The following STXBP6 variants were observed in gnomAD, a reference collection of about 807,000 sequenced individuals.
STXBP6 encodes the protein syntaxin-binding protein 6.
STXBP6 carries 21 observed loss-of-function variants against 26.9 expected under a neutral mutation model. The observed-to-expected ratio is 0.78, with a 90% CI of 0.55 to 1.12. The LOEUF (loss-of-function observed/expected upper bound fraction) is 1.12. STXBP6 is among the 50% of genes most tolerant of loss of function. The probability of loss-of-function intolerance (pLI) is 0.00; values close to 1 mark genes in which losing one functional copy is unlikely to be tolerated. For missense variants in STXBP6, 232 were observed against 257.9 expected, an observed-to-expected ratio of 0.90 and a Z score of 0.69; for synonymous variants, 97 against 92.6, an observed-to-expected ratio of 1.05 and a Z score of -0.27.
At chr14:24,839,267 G>T (rs2068717222) in intron 4 of STXBP6, among the ~76,000 whole-genome samples, 1 of 152,118 alleles carries the variant, frequency 6.6e-6, no homozygotes, top group Non-Finnish European at 1.5e-5. Context: ...CGGAGAGAAA[G>T]GAATGGAATT....
intron 4 of STXBP6, among the ~76,000 whole-genome samples, chr14:24,848,490 A>G (rs776887838): frequency 6.6e-6 from 1 of 152,160 alleles, no homozygotes; most frequent in Non-Finnish European, 1.5e-5. Context: ...AAACATGTTT[A>G]CAATCCTTGT....
At chr14:24,939,574 C>T (rs2072729150) in intron 2 of STXBP6, among the ~76,000 whole-genome samples, 1 of 151,720 alleles carries the variant, frequency 6.6e-6, no homozygotes. Context: ...TGAAAGCTAT[C>T]AAGATATGTT....
chr14:24,902,905 A>G (rs572675509), intron 2 of STXBP6, among the ~76,000 whole-genome samples: 17 of 152,268 alleles, frequency 1.1e-4, no homozygotes, highest in East Asian at 5.8e-4. Context: ...TTAAATCTCT[A>G]TATACAACAG....
rs564216316 is a variant in STXBP6 at position 25,000,163 on chromosome 14, C to T, written c.-32-25313G>A. On this transcript the variant is annotated intron_variant, in intron 1 of 5. Coordinates refer to ENST00000323944, the MANE Select transcript of STXBP6 (RefSeq NM_001394410.1). ...CTGCAAGCTCCACCTCCTAGGCTCA[C>T]GCCATTCTCCTGCCTCAGCCTCAGT... Among the ~76,000 whole-genome samples the T allele has an allele frequency of 1.6e-4, 25 of 152,008 alleles. No homozygotes were observed. The East Asian group carries it at 3.3e-3, about 20-fold the overall frequency.
chr14:24,838,482 G>C (rs1368218941), intron 4 of STXBP6, among the ~76,000 whole-genome samples: 3 of 151,958 alleles, frequency 2.0e-5, no homozygotes, highest in Non-Finnish European at 2.9e-5. Context: ...TCAGGAGTTC[G>C]AGACCAGCCT....
intron 2 of STXBP6, among the ~76,000 whole-genome samples, chr14:24,952,585 A>T (rs1387818644): frequency 6.6e-6 from 1 of 152,176 alleles, no homozygotes; most frequent in African/African-American, 2.4e-5. Context: ...AATACTCTTA[A>T]TCATACAAAT....
At chr14:24,931,134 A>AAAAAAAAACAAAAAAAAAAAAAC (rs1566486288) in intron 2 of STXBP6, among the ~76,000 whole-genome samples, 1 of 117,976 alleles carries the variant, frequency 8.5e-6, no homozygotes, top group Non-Finnish European at 1.7e-5. Context: ...AAAAAAAAAA[A>AAAAAAAAACAAAAAAAAAAAAAC]AAAAAAAACC....
rs982853495 is a variant in STXBP6 at position 24,831,550 on chromosome 14, G to A, written c.452-12356C>T. ...AATTATTAACACAGGATGGAAAATT[G>A]AATGGTTTTGTACTAAGACAATAAT... On this transcript the variant is annotated intron_variant, in intron 4 of 5. Coordinates refer to ENST00000323944, the MANE Select transcript of STXBP6 (RefSeq NM_001394410.1). Among the ~76,000 whole-genome samples the A allele has an allele frequency of 2.6e-5, 4 of 152,274 alleles. No homozygotes were observed. In the East Asian group the frequency reaches 5.8e-4, roughly 22 times the overall value.
intron 2 of STXBP6, among the ~76,000 whole-genome samples, chr14:24,892,283 G>C (rs2070819076): frequency 6.6e-6 from 1 of 151,942 alleles, no homozygotes; most frequent in Non-Finnish European, 1.5e-5. Flanking sequence ...GGGGAAAAGA[G>C]GGTAGAAGAA....
chr14:24,911,946 C>T (rs908332729), intron 2 of STXBP6, among the ~76,000 whole-genome samples: 3 of 152,136 alleles, frequency 2.0e-5, no homozygotes, highest in African/African-American at 7.2e-5. Flanking sequence ...ACTCAACTTT[C>T]TTGTCCACAT....
intron 1 of STXBP6, among the ~76,000 whole-genome samples, chr14:25,014,051 A>C (rs1428956412): frequency 6.6e-6 from 1 of 152,244 alleles, no homozygotes; most frequent in East Asian, 1.9e-4. Context: ...TTGTTTCAAC[A>C]TAATCCCTGG....
At chr14:25,034,723 C>T (rs1409011114) in intron 1 of STXBP6, among the ~76,000 whole-genome samples, 3 of 152,202 alleles carry the variant, frequency 2.0e-5, no homozygotes, top group East Asian at 3.8e-4. Flanking sequence ...CACAAAATGT[C>T]CTTAGCACAG....
chr14:25,035,003 T>C (rs898051651), intron 1 of STXBP6, among the ~76,000 whole-genome samples: 3 of 151,918 alleles, frequency 2.0e-5, no homozygotes. Context: ...ATACAAAAAT[T>C]AGTTGGGAAT....
At chr14:24,879,252 G>T (rs937512373) in intron 2 of STXBP6, among the ~76,000 whole-genome samples, 2 of 152,126 alleles carry the variant, frequency 1.3e-5, no homozygotes, top group African/African-American at 2.4e-5. Flanking sequence ...ATGGTCATTT[G>T]TATCTCCTCT....
At chr14:24,817,774 A>G in intron 5 of STXBP6, 1 of 287,296 alleles carries the variant, frequency 3.5e-6, no homozygotes, top group Admixed American at 4.8e-5. Flanking sequence ...TCTGGCCTCC[A>G]GCAGGGCTGT....
At chr14:24,956,990 C>A (rs971465862) in intron 2 of STXBP6, among the ~76,000 whole-genome samples, 4 of 152,156 alleles carry the variant, frequency 2.6e-5, no homozygotes, top group Non-Finnish European at 5.9e-5. Flanking sequence ...TAATTCTGCA[C>A]CCCTCTACAC....
At chr14:24,844,096 G>A (rs989567146) in intron 4 of STXBP6, among the ~76,000 whole-genome samples, 2 of 152,214 alleles carry the variant, frequency 1.3e-5, no homozygotes, top group East Asian at 3.9e-4. Context: ...TCATAATTAG[G>A]TAATGAAACC....
At chr14:24,917,993 G>A (rs756804933) in intron 2 of STXBP6, among the ~76,000 whole-genome samples, 1 of 152,002 alleles carries the variant, frequency 6.6e-6, no homozygotes, top group Non-Finnish European at 1.5e-5. Context: ...TATGCAACAG[G>A]TACAATGTTG....
chr14:24,984,810 A>G (rs547081422), intron 1 of STXBP6, among the ~76,000 whole-genome samples: 7 of 152,344 alleles, frequency 4.6e-5, no homozygotes, highest in Non-Finnish European at 7.3e-5. Context: ...CAGATGAGGA[A>G]ACTAAAGCTA....
Sources: gnomAD v4.1 joint callset for allele counts (sites outside exome capture counted in the v4.1 genomes callset) on GRCh38, gnomAD v4.1.1 for gene constraint, MANE v1.5 for transcripts, NCBI Gene and HGNC (gene_info 2026-07-23, HGNC 2026-07-21) for gene names.